The following MCTP1 variants were observed in gnomAD, a reference collection of about 807,000 sequenced individuals.
MCTP1 encodes multiple C2 and transmembrane domain containing 1, also known as multiple C2 and transmembrane domain-containing protein 1.
Under a neutral mutation model 120.6 loss-of-function variants are expected in MCTP1, and 69 were observed. The observed-to-expected ratio is 0.57, with a 90% CI of 0.47 to 0.70. The LOEUF is 0.70. Ranked by LOEUF, MCTP1 falls within the 30% of genes least tolerant of loss-of-function variation. The pLI, the probability that MCTP1 is intolerant of heterozygous loss-of-function variation, is 0.00. For synonymous variants in MCTP1, 529 were observed against 493.1 expected (o/e 1.07, Z -0.96); for missense variants, 1,203 against 1,248.8 (o/e 0.96, Z 0.55).
intron 10 of MCTP1, among the ~76,000 whole-genome samples, chr5:94,906,019 T>A (rs1806805143): frequency 6.6e-6 from 1 of 151,966 alleles, no homozygotes; most frequent in Non-Finnish European, 1.5e-5. Flanking sequence ...GAAAAATGTG[T>A]TTTAAGGTAA....
intron 19 of MCTP1, among the ~76,000 whole-genome samples, chr5:94,734,465 T>C (rs1763764901): frequency 6.6e-6 from 1 of 152,262 alleles, no homozygotes; most frequent in Admixed American, 6.5e-5. Context: ...GGTTACTATG[T>C]GTCAAACACT....
At chr5:95,245,144 A>C (rs1756613525) in intron 1 of MCTP1, among the ~76,000 whole-genome samples, 1 of 152,204 alleles carries the variant, frequency 6.6e-6, no homozygotes, top group African/African-American at 2.4e-5. Context: ...AAGGACATCC[A>C]CACCAAAACC....
rs868308513 is a variant in MCTP1, at chr5:94,951,410, A to C, written c.981+1809T>G. On this transcript the variant is annotated intron_variant, in intron 3 of 22. Transcript: ENST00000515393. ...CATATGTAACCCTTTCAAAGACAGG[A>C]CAGTCACATGGTTCTTTCATGGAGT... 7.6e-4 allele frequency among the ~76,000 whole-genome samples: 116 copies of C among 152,362 alleles called. No homozygotes were observed. In the Middle Eastern group the frequency reaches 0.01, roughly 13 times the overall value.
intron 1 of MCTP1, among the ~76,000 whole-genome samples, chr5:95,098,755 G>T (rs1756473454): frequency 6.6e-6 from 1 of 152,024 alleles, no homozygotes. Flanking sequence ...TTTCTTCACA[G>T]AATTGGAAAA....
At chr5:95,230,533 T>C (rs943192777) in intron 1 of MCTP1, among the ~76,000 whole-genome samples, 6 of 152,036 alleles carry the variant, frequency 3.9e-5, no homozygotes, top group African/African-American at 1.4e-4. Context: ...GGAATGGAGA[T>C]GGAAAGGACA....
chr5:94,909,403 G>A, intron 9 of MCTP1, 22 bp from the exon 10 acceptor site: 5 of 1,566,964 alleles, frequency 3.2e-6, no homozygotes, highest in South Asian at 1.2e-5. Flanking sequence ...AATCATAATT[G>A]TCATATTGCT....
intron 17 of MCTP1, among the ~76,000 whole-genome samples, chr5:94,856,864 C>T (rs139864480): frequency 1.8e-3 from 276 of 151,748 alleles, no homozygotes; most frequent in South Asian, 6.0e-3. Context: ...TCTGGGGCTG[C>T]CTGCTGCAAC....
intron 1 of MCTP1, among the ~76,000 whole-genome samples, chr5:95,144,219 A>G (rs758079846): frequency 3.9e-5 from 6 of 152,044 alleles, no homozygotes; most frequent in Non-Finnish European, 8.8e-5. Context: ...TTTGAAAAGT[A>G]TCTGTTCATG....
intron 4 of MCTP1, among the ~76,000 whole-genome samples, chr5:94,941,056 C>G (rs562709350): frequency 6.6e-6 from 1 of 152,026 alleles, no homozygotes; most frequent in East Asian, 1.9e-4. Flanking sequence ...TAAATAATCT[C>G]TTTTAATTTT....
intron 6 of MCTP1, 119 bp downstream of exon 6, chr5:94,931,834 G>T (rs971163741): frequency 3.9e-6 from 3 of 765,788 alleles, no homozygotes; most frequent in Non-Finnish European, 6.4e-6. Flanking sequence ...ATGGGGAAAA[G>T]TAACAATTGA....
At chr5:95,019,471 A>AT (rs375339632) in intron 1 of MCTP1, among the ~76,000 whole-genome samples, 47 of 151,404 alleles carry the variant, frequency 3.1e-4, no homozygotes, top group African/African-American at 9.9e-4. Flanking sequence ...GAGACACAAT[A>AT]TTTTTTCCCA....
chr5:94,996,001 T>C (rs1343465637), intron 2 of MCTP1, among the ~76,000 whole-genome samples: 1 of 152,208 alleles, frequency 6.6e-6, no homozygotes, highest in Non-Finnish European at 1.5e-5. Flanking sequence ...TATAAAATTA[T>C]TCTTTTTGGT....
At chr5:95,137,366 G>C (rs1451102390) in intron 1 of MCTP1, among the ~76,000 whole-genome samples, 1 of 152,220 alleles carries the variant, frequency 6.6e-6, no homozygotes, top group African/African-American at 2.4e-5. Context: ...CTGGCTCACA[G>C]AGTTGCTGTG....
chr5:95,253,631 A>C (rs1757598289), intron 1 of MCTP1, among the ~76,000 whole-genome samples: 1 of 152,114 alleles, frequency 6.6e-6, no homozygotes, highest in South Asian at 2.1e-4. Flanking sequence ...TTTATAACTA[A>C]AGAACACATC....
chr5:94,824,029 G>A (rs958481203), intron 17 of MCTP1, among the ~76,000 whole-genome samples: 8 of 151,988 alleles, frequency 5.3e-5, no homozygotes, highest in African/African-American at 9.7e-5. Flanking sequence ...ATTTGAATAC[G>A]CTTTATTTCT....
intron 19 of MCTP1, among the ~76,000 whole-genome samples, chr5:94,734,253 ACATGG>A (rs1274531900): frequency 8.5e-5 from 13 of 152,358 alleles, no homozygotes; most frequent in African/African-American, 2.6e-4. Flanking sequence ...CTGTAGACAG[ACATGG>A]CATGAAAATC....
chr5:95,094,223 T>C (rs1213911188), intron 1 of MCTP1, among the ~76,000 whole-genome samples: 1 of 152,228 alleles, frequency 6.6e-6, no homozygotes, highest in East Asian at 1.9e-4. Context: ...TTTCCTACTG[T>C]CTTCTATTTC....
chr5:94,894,573 C>T (rs1581225560), intron 11 of MCTP1, 76 bp downstream of exon 11: 3 of 1,121,264 alleles, frequency 2.7e-6, no homozygotes, highest in Non-Finnish European at 3.7e-6. Context: ...AGAAGTACTT[C>T]TGTCCCTCCA....
rs147058307 is a variant in MCTP1 at position 95,242,195 on chromosome 5, G to A, written c.720+41661C>T. ...AAAACTAGATTGATTTATCTAGTTT[G>A]TTACATTTTTCTTTACCTTTTTTCC... On this transcript the variant is annotated intron_variant, in intron 1 of 22. Transcript: ENST00000515393. 4.1e-4 allele frequency among the ~76,000 whole-genome samples: 63 copies of A among 152,048 alleles called. No homozygotes were observed. The East Asian group carries it at 0.012, about 29-fold the overall frequency.
Sources: allele counts gnomAD v4.1 joint callset (sites outside exome capture counted in the v4.1 genomes callset), GRCh38; gene constraint gnomAD v4.1.1; transcripts MANE v1.5; gene names NCBI Gene and HGNC (gene_info 2026-07-23, HGNC 2026-07-21).